RPH3AL: variants seen among roughly 807,000 people sequenced by gnomAD.
RPH3AL encodes rabphilin 3A like (without C2 domains).
In RPH3AL, 38 loss-of-function variants were observed where a neutral mutation model predicts 43.1. That is an observed-to-expected ratio of 0.88 (90% CI 0.68 to 1.15). RPH3AL has a LOEUF of 1.15. RPH3AL is among the 50% of genes most tolerant of loss of function. RPH3AL has a pLI of 0.00. For synonymous variants in RPH3AL, 189 were observed against 176.3 expected (o/e 1.07, Z -0.57); for missense variants, 462 against 423.2 (o/e 1.09, Z -0.81).
intron 7 of RPH3AL, among the ~76,000 whole-genome samples, chr17:238,009 C>T (rs1029843958): frequency 1.3e-5 from 2 of 151,954 alleles, no homozygotes; most frequent in Admixed American, 6.6e-5. Context: ...TTAGCAGGTG[C>T]GGTGGTACAT....
chr17:266,888 G>A lies in RPH3AL; in HGVS notation c.438+14880C>T, dbSNP rs531927080. 6.6e-5 allele frequency among the ~76,000 whole-genome samples: 10 copies of A among 152,332 alleles called. No individual in the cohort carries two copies. In the East Asian group the frequency reaches 1.9e-3, roughly 29 times the overall value. On this transcript the variant is annotated intron_variant, in intron 6 of 9. Coordinates refer to ENST00000331302, the MANE Select transcript of RPH3AL (RefSeq NM_006987.4). ...GGAGCATTTGCCAGTCGCAGAGGGA[G>A]GTGTTGCCCAACGCTGGCTCCCGAT...
intron 7 of RPH3AL, among the ~76,000 whole-genome samples, chr17:233,755 G>A (rs1019463844): frequency 6.6e-6 from 1 of 152,230 alleles, no homozygotes; most frequent in East Asian, 1.9e-4. Context: ...ACACTGCAAC[G>A]GTGATGCTGA....
At chr17:229,506 C>T (rs2041179584) in intron 7 of RPH3AL, among the ~76,000 whole-genome samples, 1 of 152,228 alleles carries the variant, frequency 6.6e-6, no homozygotes, top group Admixed American at 6.5e-5. Context: ...CCCCAAAGAG[C>T]TGGGGTTTCC....
At chr17:228,562 C>T (rs2041156924) in intron 7 of RPH3AL, among the ~76,000 whole-genome samples, 1 of 152,158 alleles carries the variant, frequency 6.6e-6, no homozygotes, top group South Asian at 2.1e-4. Flanking sequence ...AGGCCAACCT[C>T]GCAGGTGGAC....
intron 7 of RPH3AL, among the ~76,000 whole-genome samples, chr17:232,657 A>G (rs2041255298): frequency 6.6e-6 from 1 of 152,192 alleles, no homozygotes; most frequent in Non-Finnish European, 1.5e-5. Flanking sequence ...AGCCACAGAC[A>G]CAACTGTCTA....
chr17:218,812 G>C (rs2040878032), intron 8 of RPH3AL, among the ~76,000 whole-genome samples: 1 of 152,222 alleles, frequency 6.6e-6, no homozygotes, highest in African/African-American at 2.4e-5. Flanking sequence ...TAACGAGAAG[G>C]AAATGCAGGC....
intron 2 of RPH3AL, among the ~76,000 whole-genome samples, chr17:329,207 T>C (rs1374516616): frequency 6.6e-6 from 1 of 152,104 alleles, no homozygotes; most frequent in Non-Finnish European, 1.5e-5. Context: ...ACATGGTGGC[T>C]GAGGCCTGTA....
Position 319,498 on chromosome 17 carries a change from G to A in RPH3AL, c.273C>T (p.Gly91=). 6.2e-7 allele frequency: 1 copy of A among 1,612,456 alleles called. No individual in the cohort carries two copies. Among genetic ancestry groups the A allele is most frequent in the Non-Finnish European group, 8.5e-7 (1 of 1,179,960 alleles). ...ETMRRNVMGN[G]LSQCLLCGEV... is the part of the protein sequence containing the mutation. ...CCCCGCAGAGCAGACACTGGGACAG[G>A]CCGTTCCCCATCACATTCCGCCTCA... Residue 91 remains glycine (G), a synonymous_variant, in exon 5 of 10, where the codon GGC becomes GGT. Transcript: ENST00000331302.
rs886968986 is a variant in RPH3AL at position 333,691 on chromosome 17, C to T, written c.-37+68G>A. On this transcript the variant is annotated intron_variant, in intron 2 of 9. Coordinates refer to ENST00000331302, the MANE Select transcript of RPH3AL (RefSeq NM_006987.4). The surrounding 1 kb of genome is among the most constrained non-coding windows in gnomAD (Gnocchi z 4.5). ...GACATCCTGGCAGATAAATCTCTGA[C>T]GACTGCCTTAGGATAAGTTCCCAAA... 3 of 182,034 alleles carry T rather than the reference C, an allele frequency of 1.6e-5. No homozygotes were observed. Among genetic ancestry groups the T allele is most frequent in the South Asian group, 1.1e-4 (1 of 9,142 alleles). The allele number at this position is 182,034 out of a possible 1,614,324, so 11.3% of individuals were successfully genotyped here.
chr17:262,857 G>A (rs535093818), intron 6 of RPH3AL, among the ~76,000 whole-genome samples: 52 of 152,238 alleles, frequency 3.4e-4, no homozygotes, highest in African/African-American at 7.5e-4. Context: ...TATTCAGTCC[G>A]ACCCCACTTT....
intron 5 of RPH3AL, among the ~76,000 whole-genome samples, chr17:318,177 G>A (rs1035277686): frequency 2.6e-5 from 4 of 152,084 alleles, no homozygotes; most frequent in Admixed American, 2.6e-4. Flanking sequence ...GAGGTCAGGA[G>A]TTCAAGACCA....
intron 3 of RPH3AL, among the ~76,000 whole-genome samples, chr17:325,134 T>C (rs548212195): frequency 2.2e-4 from 33 of 152,358 alleles, no homozygotes; most frequent in African/African-American, 7.7e-4. Context: ...GTGCTGGGAT[T>C]ACAGGCGTGA....
chr17:273,358 G>A (rs866076477), intron 6 of RPH3AL, among the ~76,000 whole-genome samples: 10 of 59,986 alleles, frequency 1.7e-4, no homozygotes, highest in Admixed American at 3.6e-4. Context: ...TGACGTCAGG[G>A]AGAGACCCCA....
At chr17:348,593 C>T (rs2045291628) in intron 1 of RPH3AL, among the ~76,000 whole-genome samples, 1 of 150,938 alleles carries the variant, frequency 6.6e-6, no homozygotes, top group East Asian at 1.9e-4. Context: ...TAATTTTCTT[C>T]TTCATAGAGA....
rs1384583403 is a variant in RPH3AL, at chr17:215,912, C to G, written c.728-110G>C. On this transcript the variant is annotated intron_variant, in intron 8 of 9. Coordinates refer to ENST00000331302, the MANE Select transcript of RPH3AL (RefSeq NM_006987.4). This position sits in a 1 kb window ranked among gnomAD's most constrained non-coding sequence, Gnocchi z 4.1. Reference sequence around the variant, plus strand: ...CTCTATGGGATGTCTGCCCCCCACCCCACCCACATGGCTGCCAGGCTCTGG... The same window carrying G: ...CTCTATGGGATGTCTGCCCCCCACCGCACCCACATGGCTGCCAGGCTCTGG... 9.2e-7 allele frequency: 1 copy of G among 1,091,120 alleles called. No individual in the cohort carries two copies. Among genetic ancestry groups the G allele is most frequent in the Non-Finnish European group, 1.2e-6 (1 of 822,834 alleles). 67.6% of individuals were successfully genotyped at this position (1,091,120 alleles called of 1,614,324 possible).
chr17:279,076 G>C (rs2042722650), intron 6 of RPH3AL, among the ~76,000 whole-genome samples: 1 of 152,186 alleles, frequency 6.6e-6, no homozygotes, highest in African/African-American at 2.4e-5. Context: ...CTTTTGCGGG[G>C]AGACATAACT....
At chr17:344,166 C>T (rs894082126) in intron 1 of RPH3AL, among the ~76,000 whole-genome samples, 1 of 132,572 alleles carries the variant, frequency 7.5e-6, no homozygotes, top group African/African-American at 2.6e-5. Context: ...TTTTTACCAT[C>T]ATGATCACCA....
At chr17:261,878 A>AG (rs1555546319) in intron 6 of RPH3AL, 1 of 152,224 alleles carries the variant, frequency 6.6e-6, no homozygotes, top group Non-Finnish European at 1.5e-5. Context: ...GGCAGCGCTC[A>AG]GGAACTACTC....
In RPH3AL at chr17:253,690, T is replaced by C. The variant is rs534414746; in HGVS notation, c.439-6405A>G. 8.8e-5 allele frequency among the ~76,000 whole-genome samples: 12 copies of C among 136,904 alleles called. 2 individuals carry two copies. Among genetic ancestry groups the C allele is most frequent in the Middle Eastern group, 3.5e-3 (1 of 288 alleles). The allele number at this position is 136,904 out of a possible 152,430, so 89.8% of individuals were successfully genotyped here. On this transcript the variant is annotated intron_variant, in intron 6 of 9. Transcript: ENST00000331302. The stretch of plus-strand genomic sequence containing the variant: ...TCCCTAGGAACGTTACTACCCTACG[T>C]ACTTCCTATGAGGGGAGCCGCACGG...
Sources: gnomAD v4.1 joint callset for allele counts (sites outside exome capture counted in the v4.1 genomes callset) on GRCh38, gnomAD v4.1.1 for gene constraint, Gnocchi (gnomAD v3.1) non-coding constraint, MANE v1.5 for transcripts, NCBI Gene and HGNC (gene_info 2026-07-23, HGNC 2026-07-21) for gene names.